ATXN7L1: variants seen among roughly 807,000 people sequenced by gnomAD.
ATXN7L1 encodes the protein ataxin-7-like protein 1.
Under a neutral mutation model 70.8 loss-of-function variants are expected in ATXN7L1, and 15 were observed. The observed-to-expected ratio is 0.21, with a 90% CI of 0.14 to 0.33. The LOEUF is 0.33. Ranked by LOEUF, ATXN7L1 falls within the 10% of genes least tolerant of loss-of-function variation. The pLI, the probability that ATXN7L1 is intolerant of heterozygous loss-of-function variation, is 1.00. For synonymous variants in ATXN7L1, 440 were observed against 445.1 expected, an observed-to-expected ratio of 0.99 and a Z score of 0.14; for missense variants, 975 against 1,097.1, an observed-to-expected ratio of 0.89 and a Z score of 1.57.
intron 3 of ATXN7L1, among the ~76,000 whole-genome samples, chr7:105,701,049 T>C (rs1457785082): frequency 6.6e-6 from 1 of 152,194 alleles, no homozygotes; most frequent in East Asian, 1.9e-4. Flanking sequence ...TCCACTTAAA[T>C]GCAAACAAAG....
At chr7:105,812,631 C>T (rs937892416) in intron 2 of ATXN7L1, among the ~76,000 whole-genome samples, 9 of 152,188 alleles carry the variant, frequency 5.9e-5, no homozygotes, top group Admixed American at 2.0e-4. Context: ...GGCTCAGTTA[C>T]GGCCCACTCA....
intron 9 of ATXN7L1, among the ~76,000 whole-genome samples, chr7:105,616,674 A>T (rs1793943175): frequency 1.3e-5 from 2 of 152,192 alleles, no homozygotes; most frequent in South Asian, 4.1e-4. Context: ...CACCATACCC[A>T]TATTGTCAGG....
At chr7:105,702,808 CG>C (rs1343889747) in intron 3 of ATXN7L1, among the ~76,000 whole-genome samples, 4 of 151,654 alleles carry the variant, frequency 2.6e-5, no homozygotes, top group Non-Finnish European at 5.9e-5. Context: ...GGAGAAACCC[CG>C]TCTCTACTAA....
At chr7:105,617,120 G>A (rs1367500114) in intron 9 of ATXN7L1, among the ~76,000 whole-genome samples, 3 of 151,914 alleles carry the variant, frequency 2.0e-5, no homozygotes, top group South Asian at 2.1e-4. Context: ...TCCGCCTCCC[G>A]GGTTCACGCC....
At chr7:105,794,682 T>G (rs985571240) in intron 2 of ATXN7L1, among the ~76,000 whole-genome samples, 2 of 152,142 alleles carry the variant, frequency 1.3e-5, no homozygotes, top group Admixed American at 6.5e-5. Flanking sequence ...ATTATTGACC[T>G]AAGAACTTAT....
At chr7:105,700,549 C>T (rs1384370376) in intron 3 of ATXN7L1, among the ~76,000 whole-genome samples, 6 of 149,934 alleles carry the variant, frequency 4.0e-5, no homozygotes, top group Non-Finnish European at 7.4e-5. Flanking sequence ...GGTCTCCTGG[C>T]AGCAATGTTG....
intron 2 of ATXN7L1, among the ~76,000 whole-genome samples, chr7:105,813,376 T>C (rs1808720847): frequency 6.6e-6 from 1 of 151,676 alleles, no homozygotes; most frequent in Admixed American, 6.6e-5. Context: ...TTGCTCTTGT[T>C]GCCCAGGCTG....
chr7:105,621,700 C>G (rs1184532841), intron 8 of ATXN7L1, among the ~76,000 whole-genome samples: 1 of 152,218 alleles, frequency 6.6e-6, no homozygotes, highest in Non-Finnish European at 1.5e-5. Flanking sequence ...TCAGGCAAGT[C>G]TGCAAATGAC....
rs999929194 is a variant in ATXN7L1 at position 105,643,115 on chromosome 7, T to C, written c.585A>G (p.Pro195=). 6.0e-6 allele frequency: 9 copies of C among 1,511,658 alleles called. No homozygotes were observed. In the Admixed American group the frequency reaches 1.8e-4, roughly 30 times the overall value. The allele number at this position is 1,511,658 out of a possible 1,614,324, so 93.6% of individuals were successfully genotyped here. A position where few individuals can be genotyped will look rare whatever the true frequency, so the allele number is the denominator to read the frequency against. ...AKGSRDKPCV[P]VPVVSLEKIP... Reference sequence around the variant, plus strand: ...TTTTCTCTAAACTGACTACAGGAACTGGAACACTGAAAAATAAATGAACAA... The same window carrying C: ...TTTTCTCTAAACTGACTACAGGAACCGGAACACTGAAAAATAAATGAACAA... Residue 195 remains proline, a synonymous_variant, in exon 5 of 12, where the codon CCA becomes CCG. Transcript: ENST00000419735.
chr7:105,822,590 G>A (rs780008666), intron 2 of ATXN7L1, among the ~76,000 whole-genome samples: 1 of 152,192 alleles, frequency 6.6e-6, no homozygotes, highest in African/African-American at 2.4e-5. Flanking sequence ...GTTGCTGAGC[G>A]CCTTGCAGTT....
chr7:105,773,327 C>T lies in ATXN7L1; in HGVS notation c.355+15277G>A, dbSNP rs144838888. 1.6e-3 allele frequency among the ~76,000 whole-genome samples: 249 copies of T among 152,306 alleles called. 1 individual carries two copies. Among genetic ancestry groups the T allele is most frequent in the Non-Finnish European group, 2.8e-3 (192 of 68,026 alleles). ...GTGAATTAATTATGACCTAGTCATA[C>T]GGCACTAGAAGCTGCTCTTGGTACA... On this transcript the variant is annotated intron_variant, in intron 3 of 11. Transcript: ENST00000419735.
chr7:105,662,065 TCCTTCCTTCCTTCC>T (rs1801753758), intron 4 of ATXN7L1, among the ~76,000 whole-genome samples: 4 of 92,624 alleles, frequency 4.3e-5, no homozygotes, highest in South Asian at 5.4e-4. Context: ...CTTCCTTCCT[TCCTTCCTTCCTTCC>T]TTCTTTCTTT....
chr7:105,794,107 T>A (rs1346102888), intron 2 of ATXN7L1, among the ~76,000 whole-genome samples: 1 of 152,142 alleles, frequency 6.6e-6, no homozygotes, highest in Non-Finnish European at 1.5e-5. Context: ...CTATTTCATT[T>A]AAAAAATGCT....
At chr7:105,727,767 T>TATATATATATATATATATATA (rs34755557) in intron 3 of ATXN7L1, among the ~76,000 whole-genome samples, 46 of 100,250 alleles carry the variant, frequency 4.6e-4, no homozygotes, top group African/African-American at 1.4e-3. Context: ...TATATATATA[T>TATATATATATATATATATATA]ATATATATAT....
Position 105,614,039 on chromosome 7 carries a change from C to T in ATXN7L1, c.2295G>A (p.Val765=). The change falls in exon 10 of 12, where the codon GTG becomes GTA. Residue 765 remains valine (V), a synonymous_variant. Coordinates refer to ENST00000419735, the MANE Select transcript of ATXN7L1 (RefSeq NM_020725.2). This position sits in a 1 kb window ranked among gnomAD's most constrained non-coding sequence, Gnocchi z 4.3. ...TGTCAAAAGAGAGGGGCAGAGAAGA[C>T]ACAGCATTGTGTGAGGCCAGAGAGA... ...GDLSLASHNA[V]SSLPLSFDKS... 6.4e-7 allele frequency: 1 copy of T among 1,551,948 alleles called. No homozygotes were observed. Among genetic ancestry groups the T allele is most frequent in the African/African-American group, 1.4e-5 (1 of 73,184 alleles).
intron 2 of ATXN7L1, among the ~76,000 whole-genome samples, 186 bp downstream of exon 2, chr7:105,875,626 T>TTCCCC (rs146310508): frequency 2.3e-4 from 14 of 59,578 alleles, no homozygotes; most frequent in East Asian, 2.6e-3. Flanking sequence ...CACCCCCCTT[T>TTCCCC]ACCCCCCCCC....
At chr7:105,706,471 C>T (rs1323534781) in intron 3 of ATXN7L1, among the ~76,000 whole-genome samples, 2 of 152,272 alleles carry the variant, frequency 1.3e-5, no homozygotes, top group East Asian at 3.9e-4. Flanking sequence ...GCTGGGATTA[C>T]ATAGTTGGTT....
intron 3 of ATXN7L1, chr7:105,679,011 C>T (rs1584694764): frequency 5.3e-6 from 5 of 935,794 alleles, no homozygotes; most frequent in African/African-American, 3.6e-5. Flanking sequence ...CCCAGCCCCA[C>T]GCCGTCCTGT....
At chr7:105,629,003 C>T (rs1439130133) in intron 7 of ATXN7L1, among the ~76,000 whole-genome samples, 1 of 151,516 alleles carries the variant, frequency 6.6e-6, no homozygotes, top group African/African-American at 2.4e-5. Context: ...CGGTCTCTCT[C>T]TGCCTCCCAA....
Sources: gnomAD v4.1 joint callset for allele counts (sites outside exome capture counted in the v4.1 genomes callset) on GRCh38, gnomAD v4.1.1 for gene constraint, Gnocchi (gnomAD v3.1) non-coding constraint, MANE v1.5 for transcripts, NCBI Gene and HGNC (gene_info 2026-07-23, HGNC 2026-07-21) for gene names.